The following ITPK1 variants were observed in gnomAD, a reference collection of about 807,000 sequenced individuals.
ITPK1 encodes the protein inositol 1,3,4-trisphosphate 5/6-kinase.
ITPK1 carries 21 observed loss-of-function variants against 45.3 expected under a neutral mutation model. That is an observed-to-expected ratio of 0.46 (90% CI 0.33 to 0.67). ITPK1 has a LOEUF of 0.67. Ranked by LOEUF, ITPK1 falls within the 30% of genes least tolerant of loss-of-function variation. ITPK1 has a pLI of 0.02. For synonymous variants in ITPK1, 258 were observed against 253.6 expected, an observed-to-expected ratio of 1.02 and a Z score of -0.16; for missense variants, 474 against 573.5, an observed-to-expected ratio of 0.83 and a Z score of 1.77.
rs1315812648 is a variant in ITPK1, at chr14:93,036,779, G to A, written c.121-19978C>T. On this transcript the variant is annotated intron_variant, in intron 3 of 10. Transcript: ENST00000267615. The surrounding 1 kb of genome is among the most constrained non-coding windows in gnomAD (Gnocchi z 4.1). ...AGCCCCCAGAACTTGGAAATGCCAA[G>A]AAAAATCCCCCCAGAGCAGAGCAGA... The A allele has an allele frequency of 1.3e-5, 2 of 152,346 alleles. No individual in the cohort carries two copies. Among genetic ancestry groups the A allele is most frequent in the Non-Finnish European group, 2.9e-5 (2 of 68,202 alleles). 9.4% of individuals were successfully genotyped at this position (152,346 alleles called of 1,614,324 possible).
intron 5 of ITPK1, among the ~76,000 whole-genome samples, chr14:92,990,738 T>G (rs887160822): frequency 6.6e-6 from 1 of 152,100 alleles, no homozygotes; most frequent in Admixed American, 6.5e-5. Flanking sequence ...GGAGAGGCCC[T>G]CCACGGCTGA....
chr14:92,996,273 C>G (rs1365183985), intron 4 of ITPK1, among the ~76,000 whole-genome samples: 1 of 152,146 alleles, frequency 6.6e-6, no homozygotes, highest in African/African-American at 2.4e-5. Context: ...AAATAAATGT[C>G]AACATTAAAA....
chr14:93,057,545 C>G (rs944818865), intron 3 of ITPK1, among the ~76,000 whole-genome samples: 3 of 152,232 alleles, frequency 2.0e-5, no homozygotes, highest in Admixed American at 1.3e-4. Context: ...AGAAAGGAAA[C>G]AGACGTGCGA....
chr14:93,021,306 G>A (rs1335662236), intron 3 of ITPK1, among the ~76,000 whole-genome samples: 1 of 152,068 alleles, frequency 6.6e-6, no homozygotes, highest in African/African-American at 2.4e-5. Context: ...CCAGAAGGAT[G>A]TTGGGGCCGG....
chr14:93,093,833 A>T (rs1891959842), intron 2 of ITPK1, among the ~76,000 whole-genome samples: 1 of 152,184 alleles, frequency 6.6e-6, no homozygotes, highest in African/African-American at 2.4e-5. Flanking sequence ...CAATCCCACA[A>T]GCCCCTGGCT....
chr14:92,976,019 A>C (rs1387033763), intron 5 of ITPK1, among the ~76,000 whole-genome samples: 7 of 152,198 alleles, frequency 4.6e-5, no homozygotes, highest in Non-Finnish European at 5.9e-5. Flanking sequence ...GAAGAAGGGC[A>C]TGTTTGCTTC....
At position 93,036,098 on chromosome 14, in the gene ITPK1, A is replaced by G. The variant is rs1889304725; in HGVS notation, c.121-19297T>C. Among the ~76,000 whole-genome samples, 1 of 152,220 alleles carries G rather than the reference A, an allele frequency of 6.6e-6. No homozygotes were observed. Among genetic ancestry groups the G allele is most frequent in the African/African-American group, 2.4e-5 (1 of 41,464 alleles). ...CCACCCTTTCCAAGAAAGGGCTACG[A>G]AAGCAATGGTGGCGTCAGTGAGACC... is the stretch of plus-strand genomic sequence containing the variant. On this transcript the variant is annotated intron_variant, in intron 3 of 10. Coordinates refer to ENST00000267615, the MANE Select transcript of ITPK1 (RefSeq NM_014216.6). This position sits in a 1 kb window ranked among gnomAD's most constrained non-coding sequence, Gnocchi z 4.1.
Position 93,104,095 on chromosome 14 carries a change from G to A in ITPK1, c.95+10974C>T, listed in dbSNP as rs146932772. On this transcript the variant is annotated intron_variant, in intron 2 of 10. Transcript: ENST00000267615. ...CACCCACCTTACAGTTGGGAGGGCA[G>A]AGGCTCAGGACAAGTCTCATGCTCC... Among the ~76,000 whole-genome samples, 150 of 152,330 alleles carry A rather than the reference G, an allele frequency of 9.8e-4. 1 individual carries two copies. The highest frequency in any genetic ancestry group is 3.6e-3 in the African/African-American group (149 of 41,568).
chr14:92,950,228 G>A (rs888966064), intron 9 of ITPK1, among the ~76,000 whole-genome samples: 1 of 152,256 alleles, frequency 6.6e-6, no homozygotes, highest in African/African-American at 2.4e-5. Context: ...AAGGGAGGGG[G>A]TGCTTTAAGG....
At chr14:93,061,408 G>C (rs1388238068) in intron 3 of ITPK1, among the ~76,000 whole-genome samples, 1 of 152,146 alleles carries the variant, frequency 6.6e-6, no homozygotes, top group Non-Finnish European at 1.5e-5. Context: ...CCTGGGGTGA[G>C]GAACAATTGC....
chr14:92,995,666 A>C (rs557066774), intron 4 of ITPK1, among the ~76,000 whole-genome samples: 19 of 152,276 alleles, frequency 1.2e-4, no homozygotes, highest in African/African-American at 4.6e-4. Context: ...CTCTCCCTGC[A>C]CATAAGTGCG....
At chr14:92,965,325 G>T (rs1232660102) in intron 5 of ITPK1, among the ~76,000 whole-genome samples, 3 of 152,190 alleles carry the variant, frequency 2.0e-5, no homozygotes, top group African/African-American at 4.8e-5. Context: ...ACCCTTTCAT[G>T]GCAAGAACAC....
intron 10 of ITPK1, 24 bp from the exon 11 acceptor site, chr14:92,941,928 C>A (rs745933633): frequency 8.7e-6 from 14 of 1,603,062 alleles, no homozygotes; most frequent in African/African-American, 2.7e-5. Context: ...AGAGACAGCA[C>A]AAGGGGCGTG....
intron 6 of ITPK1, 49 bp downstream of exon 6, chr14:92,962,702 C>T (rs192989807): frequency 2.9e-6 from 4 of 1,389,444 alleles, no homozygotes; most frequent in East Asian, 2.3e-5. Flanking sequence ...CCTATGCTGG[C>T]CTGCGGTCTA....
At chr14:93,040,822 A>G (rs1889529540) in intron 3 of ITPK1, among the ~76,000 whole-genome samples, 1 of 152,128 alleles carries the variant, frequency 6.6e-6, no homozygotes, top group Non-Finnish European at 1.5e-5. Context: ...CAAGCTTGGG[A>G]GGCAGGAGAA....
intron 4 of ITPK1, among the ~76,000 whole-genome samples, chr14:93,009,346 G>A (rs556376674): frequency 6.6e-6 from 1 of 152,338 alleles, no homozygotes; most frequent in South Asian, 2.1e-4. Context: ...CCACACACAA[G>A]CAGAGGGGCT....
intron 3 of ITPK1, among the ~76,000 whole-genome samples, chr14:93,064,877 A>C (rs1326293830): frequency 6.6e-6 from 1 of 152,180 alleles, no homozygotes. Flanking sequence ...GGGAAGGAGA[A>C]AGACAGAGCC....
At chr14:93,045,761 C>CT (rs970722105) in intron 3 of ITPK1, among the ~76,000 whole-genome samples, 43 of 149,662 alleles carry the variant, frequency 2.9e-4, no homozygotes, top group African/African-American at 5.6e-4. Flanking sequence ...CTAATTCAGA[C>CT]TTTTTTTTTT....
At chr14:93,085,369 T>C (rs1411544733) in intron 2 of ITPK1, among the ~76,000 whole-genome samples, 1 of 151,908 alleles carries the variant, frequency 6.6e-6, no homozygotes, top group Non-Finnish European at 1.5e-5. Flanking sequence ...CCCGACCGGG[T>C]GCCCCACCCA....
Sources: allele counts gnomAD v4.1 joint callset (sites outside exome capture counted in the v4.1 genomes callset), GRCh38; gene constraint gnomAD v4.1.1; non-coding constraint Gnocchi (gnomAD v3.1); transcripts MANE v1.5; gene names NCBI Gene and HGNC (gene_info 2026-07-23, HGNC 2026-07-21).